Variants in MAP3K5 observed in about 807,000 individuals in gnomAD.
MAP3K5 encodes mitogen-activated protein kinase kinase kinase 5.
A neutral mutation model predicts 158.7 loss-of-function variants in MAP3K5; 56 were observed. The observed-to-expected ratio is 0.35, with a 90% CI of 0.28 to 0.44. The LOEUF (loss-of-function observed/expected upper bound fraction) is 0.44. MAP3K5 is among the 20% of genes least tolerant of loss of function. The pLI, the probability that MAP3K5 is intolerant of heterozygous loss-of-function variation, is 1.00. For synonymous variants in MAP3K5, 579 were observed against 601.7 expected (o/e 0.96, Z 0.55); for missense variants, 1,294 against 1,674.8 (o/e 0.77, Z 3.97).
chr6:136,600,406 C>A (rs1775823736), intron 21 of MAP3K5, among the ~76,000 whole-genome samples: 1 of 151,976 alleles, frequency 6.6e-6, no homozygotes, highest in South Asian at 2.1e-4. Flanking sequence ...ATTGCCCAGG[C>A]TGGTATTGAA....
At chr6:136,629,060 C>T (rs886198829) in intron 14 of MAP3K5, 1 of 152,238 alleles carries the variant, frequency 6.6e-6, no homozygotes, top group Non-Finnish European at 1.5e-5. Context: ...ACAAGAATTT[C>T]ATTCTGAGGC....
chr6:136,697,642 C>T lies in MAP3K5; in HGVS notation c.807-255G>A, dbSNP rs997833659. Among the ~76,000 whole-genome samples, 11 of 151,740 alleles carry T rather than the reference C, an allele frequency of 7.2e-5. No homozygotes were observed. The East Asian group carries it at 1.9e-3, about 27-fold the overall frequency. ...AAGGTACTCCATATTAATAAATTTTCCTGCAAAAAACCACTTAAAATGCCA... is the reference window on the plus strand; with the variant it reads ...AAGGTACTCCATATTAATAAATTTTTCTGCAAAAAACCACTTAAAATGCCA... On this transcript the variant is annotated intron_variant, in intron 4 of 29. Transcript: ENST00000359015.
At chr6:136,702,758 T>C (rs890717622) in intron 3 of MAP3K5, among the ~76,000 whole-genome samples, 22 of 152,178 alleles carry the variant, frequency 1.4e-4, no homozygotes, top group African/African-American at 5.3e-4. Context: ...CACAGTGACA[T>C]GATCTCGGCT....
At chr6:136,742,309 GC>G (rs937859367) in intron 1 of MAP3K5, among the ~76,000 whole-genome samples, 1 of 151,908 alleles carries the variant, frequency 6.6e-6, no homozygotes, top group Non-Finnish European at 1.5e-5. Context: ...CAGAATAGAA[GC>G]CCCAGAAATA....
intron 21 of MAP3K5, among the ~76,000 whole-genome samples, chr6:136,596,775 C>T (rs1200896498): frequency 2.0e-5 from 3 of 152,190 alleles, no homozygotes; most frequent in Non-Finnish European, 2.9e-5. Context: ...ATCAAATCCA[C>T]GCCTGAGATT....
At chr6:136,737,311 G>C (rs1782520063) in intron 1 of MAP3K5, among the ~76,000 whole-genome samples, 1 of 151,984 alleles carries the variant, frequency 6.6e-6, no homozygotes, top group African/African-American at 2.4e-5. Flanking sequence ...CTGGGTGATG[G>C]GATCATTCGT....
At chr6:136,578,951 G>A (rs1774742089) in intron 25 of MAP3K5, among the ~76,000 whole-genome samples, 1 of 151,574 alleles carries the variant, frequency 6.6e-6, no homozygotes, top group Non-Finnish European at 1.5e-5. Flanking sequence ...CGGGAGGACA[G>A]CTTGAGCCCA....
chr6:136,636,652 G>A (rs2129105384), intron 14 of MAP3K5, among the ~76,000 whole-genome samples: 1 of 152,252 alleles, frequency 6.6e-6, no homozygotes, highest in Middle Eastern at 3.4e-3. Flanking sequence ...CTAAAAGTAG[G>A]TGTCCAGCAG....
chr6:136,602,509 C>T (rs6932421), intron 19 of MAP3K5, among the ~76,000 whole-genome samples: 149,693 of 152,206 alleles, frequency 0.98, 73,624 homozygotes, highest in East Asian at 1. Context: ...TTTGCCATGT[C>T]GCACAGGCTG....
In MAP3K5 at chr6:136,659,281, G is replaced by T. The variant is rs1778902419; in HGVS notation, c.1464C>A (p.Ala488=). Residue 488 remains alanine (A), a synonymous_variant, in exon 9 of 30, where the codon GCC becomes GCA. Transcript: ENST00000359015. ...CTTGAATGACTCTCATGTGGTCATT[G>T]GCTAGGACGCTGGCCCCCAGAAAAA... ...VGFFLGASVL[A]NDHMRVIQAS... The T allele has an allele frequency of 6.2e-7, 1 of 1,614,038 alleles. No homozygotes were observed. Among genetic ancestry groups the T allele is most frequent in the East Asian group, 2.2e-5 (1 of 44,874 alleles).
At chr6:136,648,736 A>G (rs962303854) in intron 11 of MAP3K5, among the ~76,000 whole-genome samples, 1 of 152,078 alleles carries the variant, frequency 6.6e-6, no homozygotes, top group African/African-American at 2.4e-5. Context: ...ATTTCTTGCC[A>G]CTCTGGTAGA....
In MAP3K5 at chr6:136,791,756, T is replaced by A; in HGVS notation, c.402A>T (p.Lys134Asn). ...GCACGGTGGTTTCTCCAAAGTCGAG[T>A]TTCCCAAAATGCAGGGTTTCCAGGG... The part of the protein sequence containing the change: ...GATLETLHFG[K>N]LDFGETTVLD... Residue 134 changes from lysine to asparagine, a missense_variant, in exon 1 of 30, where the codon AAA (lysine) becomes AAT (asparagine). Lys to Asn is a moderately conservative substitution (Grantham distance 94). Coordinates refer to ENST00000359015, the MANE Select transcript of MAP3K5 (RefSeq NM_005923.4). The A allele has an allele frequency of 6.2e-7, 1 of 1,613,246 alleles. No individual in the cohort carries two copies. Among genetic ancestry groups the A allele is most frequent in the Non-Finnish European group, 8.5e-7 (1 of 1,179,972 alleles).
chr6:136,653,467 T>C (rs1368913894), intron 10 of MAP3K5, among the ~76,000 whole-genome samples: 1 of 152,242 alleles, frequency 6.6e-6, no homozygotes, highest in African/African-American at 2.4e-5. Context: ...ACCTTTGTAG[T>C]GTGAGCCACG....
intron 2 of MAP3K5, among the ~76,000 whole-genome samples, chr6:136,707,377 A>G (rs1362235169): frequency 1.3e-5 from 2 of 152,228 alleles, no homozygotes; most frequent in African/African-American, 4.8e-5. Flanking sequence ...GAGAAGGTGG[A>G]ACTCAAGCTG....
intron 10 of MAP3K5, among the ~76,000 whole-genome samples, chr6:136,653,258 C>A (rs960061663): frequency 1.3e-5 from 2 of 152,150 alleles, no homozygotes; most frequent in Non-Finnish European, 2.9e-5. Flanking sequence ...AATGATGGTA[C>A]CATTCAAATC....
intron 23 of MAP3K5, among the ~76,000 whole-genome samples, chr6:136,588,034 A>G (rs1250888794): frequency 5.3e-5 from 8 of 152,288 alleles, no homozygotes; most frequent in East Asian, 3.9e-4. Flanking sequence ...GGAAAAGCAC[A>G]TTCTTTGGGG....
chr6:136,627,874 A>G (rs1330293058), intron 14 of MAP3K5, among the ~76,000 whole-genome samples: 1 of 152,224 alleles, frequency 6.6e-6, no homozygotes, highest in Non-Finnish European at 1.5e-5. Flanking sequence ...TACCTCTGTC[A>G]TCCTCGTCTG....
intron 1 of MAP3K5, among the ~76,000 whole-genome samples, chr6:136,749,815 A>G (rs953599651): frequency 6.6e-6 from 1 of 152,170 alleles, no homozygotes; most frequent in African/African-American, 2.4e-5. Context: ...GTCAGCAGCC[A>G]GGGAGGAAGG....
rs760461176 is a variant in MAP3K5 at position 136,792,062 on chromosome 6, C to A, written c.96G>T (p.Arg32Ser). The A allele has an allele frequency of 1.9e-6, 3 of 1,562,054 alleles. No individual in the cohort carries two copies. The highest frequency in any genetic ancestry group is 2.0e-5 in the Admixed American group (1 of 50,468). ...CTIPEGGICR[R>S]GGAAAVGEGE... ...CCTCGCCCACCGCCGCCGCTCCTCC[C>A]CTCCTGCAGATGCCGCCCTCGGGGA... Residue 32 changes from arginine (R) to serine (S), a missense_variant, in exon 1 of 30, where the codon AGG (arginine) becomes AGT (serine). Coordinates refer to ENST00000359015, the MANE Select transcript of MAP3K5 (RefSeq NM_005923.4). This position sits in a 1 kb window ranked among gnomAD's most constrained non-coding sequence, Gnocchi z 5.7.
Sources: gnomAD v4.1 joint callset for allele counts (sites outside exome capture counted in the v4.1 genomes callset) on GRCh38, gnomAD v4.1.1 for gene constraint, Gnocchi (gnomAD v3.1) non-coding constraint, MANE v1.5 for transcripts, NCBI Gene and HGNC (gene_info 2026-07-23, HGNC 2026-07-21) for gene names.